CYP4F12: variants seen among roughly 807,000 people sequenced by gnomAD.
The protein encoded by CYP4F12 is cytochrome P450 4F12.
CYP4F12 carries 60 observed loss-of-function variants against 56.5 expected under a neutral mutation model. The observed-to-expected ratio is 1.06, with a 90% CI of 0.86 to 1.32. The LOEUF (loss-of-function observed/expected upper bound fraction) is 1.32. Among genes scored for constraint, CYP4F12 ranks in the 40% most tolerant of loss-of-function variants. CYP4F12 has a pLI of 0.00. For missense variants in CYP4F12, 711 were observed against 683.5 expected (o/e 1.04, Z -0.45); for synonymous variants, 263 against 264.9 (o/e 0.99, Z 0.07).
At chr19:15,682,539 G>GACCA in intron 6 of CYP4F12, 29 bp downstream of exon 6, 1 of 1,610,902 alleles carries the variant, frequency 6.2e-7, no homozygotes. Flanking sequence ...CCTGGGATAT[G>GACCA]AATCCATGGA....
chr19:15,686,004 C>T (rs550827172), intron 9 of CYP4F12, among the ~76,000 whole-genome samples: 1 of 152,288 alleles, frequency 6.6e-6, no homozygotes, highest in Admixed American at 6.5e-5. Flanking sequence ...CCTTTCTGTG[C>T]TCTGGAGACC....
Position 15,685,139 on chromosome 19 carries a change from C to T in CYP4F12, c.1057C>T (p.Arg353Cys), listed in dbSNP as rs780928113. 8.1e-6 allele frequency: 13 copies of T among 1,614,056 alleles called. No individual in the cohort carries two copies. The highest frequency in any genetic ancestry group is 2.7e-5 in the African/African-American group (2 of 74,916). ...NLARHPEYQERCRQEVQELLK... is the reference protein window; with the variant it reads ...NLARHPEYQECCRQEVQELLK... The stretch of plus-strand genomic sequence containing the variant: ...TGCGAGGCACCCAGAATACCAGGAG[C>T]GCTGCCGACAGGAGGTGCAAGAGCT... Residue 353 changes from arginine (R) to cysteine (C), a missense_variant, in exon 9 of 13, where the codon CGC becomes TGC. By Grantham distance (180) the Arg-to-Cys change is radical (BLOSUM62 -3). Coordinates refer to ENST00000550308, the MANE Select transcript of CYP4F12 (RefSeq NM_023944.4).
At chr19:15,677,093 T>C (rs1162172324) in intron 2 of CYP4F12, among the ~76,000 whole-genome samples, 6 of 98,542 alleles carry the variant, frequency 6.1e-5, no homozygotes, top group Admixed American at 1.1e-4. Context: ...ATTCCTCTCC[T>C]CACTCACTCA....
At chr19:15,679,594 G>A (rs557901309) in intron 3 of CYP4F12, among the ~76,000 whole-genome samples, 1 of 152,204 alleles carries the variant, frequency 6.6e-6, no homozygotes, top group Non-Finnish European at 1.5e-5. Context: ...GGGCATGTCA[G>A]AGACTTTCTG....
Position 15,685,155 on chromosome 19 carries a change from T to C in CYP4F12, c.1073T>C (p.Val358Ala). 6.2e-7 allele frequency: 1 copy of C among 1,613,804 alleles called. No individual in the cohort carries two copies. Among genetic ancestry groups the C allele is most frequent in the Non-Finnish European group, 8.5e-7 (1 of 1,179,866 alleles). The change falls in exon 9 of 13, where the codon GTG becomes GCG. Residue 358 changes from valine (V) to alanine (A), a missense_variant. Transcript: ENST00000550308. ...TACCAGGAGCGCTGCCGACAGGAGGTGCAAGAGCTTCTGAAGGACCGCGAT... is the reference window on the plus strand; with the variant it reads ...TACCAGGAGCGCTGCCGACAGGAGGCGCAAGAGCTTCTGAAGGACCGCGAT... Reference protein sequence around the residue: ...PEYQERCRQEVQELLKDRDPK... With the variant: ...PEYQERCRQEAQELLKDRDPK...
At position 15,680,243 on chromosome 19, in the gene CYP4F12, G is replaced by A. The variant is rs182346876; in HGVS notation, c.344-1G>A. On this transcript the variant is annotated splice_acceptor_variant, in intron 3 of 12. Coordinates refer to ENST00000550308, the MANE Select transcript of CYP4F12 (RefSeq NM_023944.4). LOFTEE classifies it high-confidence loss of function. ...CCCCTGATGGTCCTCGTTCATGTCA[G>A]CTGCCATTGCACCCAAGGATAATCT... 114 of 1,599,038 alleles carry A rather than the reference G, an allele frequency of 7.1e-5. No homozygotes were observed. The Admixed American group carries it at 1.9e-3, about 27-fold the overall frequency.
Position 15,693,058 on chromosome 19 carries a change from A to G in CYP4F12, c.1116-2878A>G, listed in dbSNP as rs372163489. Reference sequence around the variant, plus strand: ...GTGTCACTGCACTCCAGCCTGAGCAACAGAGACTCCATTCCCTCCCCCCAT... The same window carrying G: ...GTGTCACTGCACTCCAGCCTGAGCAGCAGAGACTCCATTCCCTCCCCCCAT... On this transcript the variant is annotated intron_variant, in intron 9 of 12. Transcript: ENST00000550308. 3.9e-5 allele frequency among the ~76,000 whole-genome samples: 6 copies of G among 152,308 alleles called. No homozygotes were observed. The East Asian group carries it at 1.2e-3, about 29-fold the overall frequency.
chr19:15,678,072 TC>T (rs67197599), intron 2 of CYP4F12, among the ~76,000 whole-genome samples, 188 bp from the exon 3 acceptor site: 339 of 1,714 alleles, frequency 0.2, 123 homozygotes, highest in East Asian at 1. Context: ...ATTCCTTTCC[TC>T]ACTCACTCAT....
intron 3 of CYP4F12, among the ~76,000 whole-genome samples, chr19:15,679,855 G>A (rs1232623787): frequency 6.6e-6 from 1 of 152,184 alleles, no homozygotes; most frequent in African/African-American, 2.4e-5. Context: ...TGTCTGTGGG[G>A]TACACAGAGG....
intron 9 of CYP4F12, among the ~76,000 whole-genome samples, chr19:15,695,113 C>G (rs892461471): frequency 6.6e-6 from 1 of 151,926 alleles, no homozygotes; most frequent in Non-Finnish European, 1.5e-5. Flanking sequence ...AAATGTCCAA[C>G]AATGATAGAC....
Position 15,695,951 on chromosome 19 carries a change from G to A in CYP4F12, c.1131G>A (p.Gln377=), listed in dbSNP as rs2008110850. Residue 377 remains glutamine, a synonymous_variant, in exon 10 of 13, where the codon CAG becomes CAA. Coordinates refer to ENST00000550308, the MANE Select transcript of CYP4F12 (RefSeq NM_023944.4). ...PKEIEWDDLA[Q]LPFLTMCVKE... ...GTTTCCTTAGGGACGACCTGGCCCAGCTGCCCTTCCTGACCATGTGCGTGA... is the reference window on the plus strand; with the variant it reads ...GTTTCCTTAGGGACGACCTGGCCCAACTGCCCTTCCTGACCATGTGCGTGA... The A allele has an allele frequency of 4.3e-6, 7 of 1,613,344 alleles. No homozygotes were observed. Among genetic ancestry groups the A allele is most frequent in the Middle Eastern group, 3.3e-4 (2 of 6,054 alleles).
rs561071613 is a variant in CYP4F12 at position 15,685,481 on chromosome 19, T to A, written c.1115+284T>A. On this transcript the variant is annotated intron_variant, in intron 9 of 12. Transcript: ENST00000550308. ...GCAAATGAACTTCCCCTCCACTCTG[T>A]TTCTGTTCTCCCAGAAATATCAGTT... 9.4e-4 allele frequency among the ~76,000 whole-genome samples: 143 copies of A among 152,318 alleles called. 2 individuals are homozygous for A. Among genetic ancestry groups the A allele is most frequent in the South Asian group, 2.3e-3 (11 of 4,830 alleles).
chr19:15,676,517 C>T (rs111165306), intron 2 of CYP4F12, among the ~76,000 whole-genome samples: 2,949 of 10,976 alleles, frequency 0.27, 1,186 homozygotes, highest in East Asian at 0.93. Flanking sequence ...CTCTCCTCAC[C>T]CACTCATTCC....
chr19:15,685,071 A>G lies in CYP4F12; in HGVS notation c.989A>G (p.His330Arg). 6.2e-7 allele frequency: 1 copy of G among 1,613,782 alleles called. No individual in the cohort carries two copies. Among genetic ancestry groups the G allele is most frequent in the Non-Finnish European group, 8.5e-7 (1 of 1,179,838 alleles). ...AEADTFMFGG[H>R]DTTASGLSWV... ...AGCTTACCTGGCTGCTCCTCAGGCC[A>G]TGACACCACGGCCAGTGGCCTCTCC... Residue 330 changes from histidine (H) to arginine (R), a missense_variant, in exon 9 of 13, where the codon CAT becomes CGT. Transcript: ENST00000550308.
At chr19:15,692,500 T>C (rs1278415293) in intron 9 of CYP4F12, among the ~76,000 whole-genome samples, 2 of 152,096 alleles carry the variant, frequency 1.3e-5, no homozygotes, top group African/African-American at 4.8e-5. Context: ...CCAGTGAACA[T>C]AGTATATGCT....
In CYP4F12 at chr19:15,683,573, T is replaced by A. The variant is rs762338841; in HGVS notation, c.728T>A (p.Met243Lys). 3 of 1,614,162 alleles carry A rather than the reference T, an allele frequency of 1.9e-6. No individual in the cohort carries two copies. In the South Asian group the frequency reaches 3.3e-5, roughly 18 times the overall value. Residue 243 changes from methionine (M) to lysine (K), a missense_variant, in exon 7 of 13, where the codon ATG becomes AAG. Met to Lys is a moderately conservative substitution (Grantham distance 95). Transcript: ENST00000550308. ...AGAAGCCAGCATATCCTCCAGCACATGGACTTTCTGTATTACCTCTCCCAT... is the reference window on the plus strand; with the variant it reads ...AGAAGCCAGCATATCCTCCAGCACAAGGACTTTCTGTATTACCTCTCCCAT... ...EKRSQHILQH[M>K]DFLYYLSHDG...
At chr19:15,679,405 C>T (rs1017561217) in intron 3 of CYP4F12, among the ~76,000 whole-genome samples, 2 of 152,238 alleles carry the variant, frequency 1.3e-5, no homozygotes, top group Non-Finnish European at 1.5e-5. Flanking sequence ...GTTCTCTTAT[C>T]TGTCAACCAT....
intron 3 of CYP4F12, chr19:15,678,610 A>G: frequency 1.6e-6 from 1 of 618,678 alleles, no homozygotes; most frequent in Non-Finnish European, 2.7e-6. Flanking sequence ...CCCTTTCTGG[A>G]AGGAACCCCC....
chr19:15,675,993 A>G (rs1486799250), intron 2 of CYP4F12, among the ~76,000 whole-genome samples: 1 of 152,222 alleles, frequency 6.6e-6, no homozygotes, highest in African/African-American at 2.4e-5. Context: ...TCTGCAAGCC[A>G]GAAACCAGGG....
Sources: gnomAD v4.1 joint callset for allele counts (sites outside exome capture counted in the v4.1 genomes callset) on GRCh38, gnomAD v4.1.1 for gene constraint, MANE v1.5 for transcripts, NCBI Gene and HGNC (gene_info 2026-07-23, HGNC 2026-07-21) for gene names.